Variants in SAMD5 observed in about 807,000 individuals in gnomAD.
SAMD5 encodes the protein sterile alpha motif domain-containing protein 5.
SAMD5 carries 13 observed loss-of-function variants against 11.3 expected under a neutral mutation model. The ratio of observed to expected loss-of-function variants is 1.15; its 90% CI spans 0.75 to 1.83. The LOEUF is 1.83. Ranked by LOEUF, SAMD5 falls within the 40% of genes most tolerant of loss-of-function variation. The pLI, the probability that SAMD5 is intolerant of heterozygous loss-of-function variation, is 0.00. For synonymous variants in SAMD5, 129 were observed against 111.3 expected (o/e 1.16, Z -1.00); for missense variants, 255 against 239.1 (o/e 1.07, Z -0.44).
chr6:147,886,937 A>T, the SAMD5 span, among the ~76,000 whole-genome samples: 3 of 152,204 alleles, frequency 2.0e-5, no homozygotes, highest in Admixed American at 2.0e-4. Context: ...ATTCTTTTCC[A>T]GTTGAGCCAC....
At chr6:147,951,122 A>G in the SAMD5 span, among the ~76,000 whole-genome samples, 1 of 151,660 alleles carries the variant, frequency 6.6e-6, no homozygotes. Flanking sequence ...TTGGTCATCA[A>G]AGACCAAACT....
chr6:147,594,599 A>G (rs1386499494), intron 1 of SAMD5, among the ~76,000 whole-genome samples: 1 of 141,666 alleles, frequency 7.1e-6, no homozygotes, highest in African/African-American at 2.5e-5. Context: ...TTATGATGAC[A>G]GAAGTTTCCT....
intron 1 of SAMD5, among the ~76,000 whole-genome samples, chr6:147,688,610 A>G (rs940546299): frequency 2.6e-5 from 4 of 152,102 alleles, no homozygotes; most frequent in Non-Finnish European, 4.4e-5. Context: ...AGTTTTTGTT[A>G]TTCTTGGTTT....
intron 1 of SAMD5, among the ~76,000 whole-genome samples, chr6:147,585,728 G>C (rs1175708838): frequency 6.6e-6 from 1 of 152,046 alleles, no homozygotes; most frequent in African/African-American, 2.4e-5. Flanking sequence ...AGAATTCTGA[G>C]TTTTGGTCTT....
intron 1 of SAMD5, among the ~76,000 whole-genome samples, chr6:147,605,105 T>C (rs949699853): frequency 6.6e-5 from 10 of 152,128 alleles, no homozygotes; most frequent in African/African-American, 2.2e-4. Context: ...ATGTTGCTGT[T>C]TTTAGCATTT....
the SAMD5 span, among the ~76,000 whole-genome samples, chr6:147,776,083 G>GT: frequency 6.6e-6 from 1 of 152,150 alleles, no homozygotes; most frequent in Non-Finnish European, 1.5e-5. Context: ...GAAGATATGA[G>GT]TTATCTGTCC....
At chr6:147,875,537 C>T in the SAMD5 span, among the ~76,000 whole-genome samples, 8 of 152,262 alleles carry the variant, frequency 5.3e-5, no homozygotes, top group East Asian at 1.2e-3. Flanking sequence ...TGTTCTATCC[C>T]CTAGAACAGG....
Position 147,567,324 on chromosome 6 carries a change from A to T in SAMD5, c.*2868A>T. The T allele has an allele frequency of 1.0e-6, 1 of 985,270 alleles. No homozygotes were observed. Among genetic ancestry groups the T allele is most frequent in the Non-Finnish European group, 1.2e-6 (1 of 829,766 alleles). 61.0% of individuals were successfully genotyped at this position (985,270 alleles called of 1,614,324 possible). ...AATTTCTCAGTTCAGAGATATTTAT[A>T]GCATCTTGGTGTTATGCAATAAACA... On this transcript the variant is annotated 3_prime_UTR_variant, in exon 2 of 2. Coordinates refer to ENST00000367474, the MANE Select transcript of SAMD5 (RefSeq NM_001030060.3).
chr6:147,716,049 T>C (rs973369651), intron 1 of SAMD5, among the ~76,000 whole-genome samples: 2 of 152,172 alleles, frequency 1.3e-5, no homozygotes, highest in Non-Finnish European at 2.9e-5. Flanking sequence ...TTCCAGGGCT[T>C]GAAGCAGAGC....
At chr6:147,944,156 T>A in the SAMD5 span, among the ~76,000 whole-genome samples, 1 of 152,230 alleles carries the variant, frequency 6.6e-6, no homozygotes, top group African/African-American at 2.4e-5. Flanking sequence ...GCTTCCTTAC[T>A]ATACCCATTC....
rs779778385 is a variant in SAMD5, at chr6:147,697,620, A to T, written c.163-39697A>T. On this transcript the variant is annotated intron_variant, in intron 1 of 1. Coordinates refer to the SAMD5 transcript ENST00000566741. ...GCAGCTTAACAATAAAAAAATCTATAAAAAAACTAAACTAAAACTAGGGGT... is the reference window on the plus strand; with the variant it reads ...GCAGCTTAACAATAAAAAAATCTATTAAAAAACTAAACTAAAACTAGGGGT... 3.3e-5 allele frequency among the ~76,000 whole-genome samples: 5 copies of T among 151,860 alleles called. No homozygotes were observed. In the South Asian group the frequency reaches 1.1e-3, roughly 33 times the overall value.
the SAMD5 span, among the ~76,000 whole-genome samples, chr6:147,923,839 G>T: frequency 6.6e-6 from 1 of 152,142 alleles, no homozygotes; most frequent in African/African-American, 2.4e-5. Context: ...TCCCAGGAAG[G>T]GGCAGCTGTC....
At chr6:147,767,400 C>A in the SAMD5 span, among the ~76,000 whole-genome samples, 3 of 151,960 alleles carry the variant, frequency 2.0e-5, no homozygotes, top group South Asian at 4.1e-4. Context: ...GGCCTTTTTA[C>A]CCCCAGAATC....
At chr6:147,707,755 G>T (rs1791343215) in intron 1 of SAMD5, among the ~76,000 whole-genome samples, 1 of 152,140 alleles carries the variant, frequency 6.6e-6, no homozygotes. Flanking sequence ...ATACTAAACA[G>T]ATACTGAAGA....
the SAMD5 span, among the ~76,000 whole-genome samples, chr6:147,826,035 C>T: frequency 6.6e-6 from 1 of 152,188 alleles, no homozygotes; most frequent in Non-Finnish European, 1.5e-5. Flanking sequence ...CCTGATTTCA[C>T]AGCCCATAGT....
chr6:147,668,411 G>A, intron 1 of SAMD5, among the ~76,000 whole-genome samples: 1 of 152,110 alleles, frequency 6.6e-6, no homozygotes, highest in Non-Finnish European at 1.5e-5. Context: ...TAATTTTCAG[G>A]GTTTTTTTGT....
intron 1 of SAMD5, among the ~76,000 whole-genome samples, chr6:147,610,197 G>T (rs1465369040): frequency 6.6e-6 from 1 of 152,084 alleles, no homozygotes; most frequent in African/African-American, 2.4e-5. Flanking sequence ...AAAGTATTTG[G>T]GCTGGCTGAT....
chr6:147,508,862 G>C lies in SAMD5; in HGVS notation c.-67G>C, dbSNP rs1788033133. On this transcript the variant is annotated 5_prime_UTR_variant, in exon 1 of 2. Coordinates refer to ENST00000367474, the MANE Select transcript of SAMD5 (RefSeq NM_001030060.3). Reference sequence around the variant, plus strand: ...TGGAGGAGAGGATTAAAAGTTCCAAGAACTGGTGCCGCCCGTGCCATTTGG... The same window carrying C: ...TGGAGGAGAGGATTAAAAGTTCCAACAACTGGTGCCGCCCGTGCCATTTGG... 2 of 1,554,486 alleles carry C rather than the reference G, an allele frequency of 1.3e-6. No individual in the cohort carries two copies. The highest frequency in any genetic ancestry group is 1.4e-5 in the African/African-American group (1 of 71,356).
At chr6:147,769,482 C>G in the SAMD5 span, among the ~76,000 whole-genome samples, 7 of 152,176 alleles carry the variant, frequency 4.6e-5, no homozygotes, top group Non-Finnish European at 8.8e-5. Context: ...AACTTCCTTA[C>G]TCAGTGATAA....
Sources: allele counts gnomAD v4.1 joint callset (sites outside exome capture counted in the v4.1 genomes callset), GRCh38; gene constraint gnomAD v4.1.1; transcripts MANE v1.5; gene names NCBI Gene and HGNC (gene_info 2026-07-23, HGNC 2026-07-21).